NUP98: variants seen among roughly 807,000 people sequenced by gnomAD.
NUP98 encodes the protein nucleoporin 98 and 96 precursor.
A neutral mutation model predicts 191.9 loss-of-function variants in NUP98; 26 were observed. That is an observed-to-expected ratio of 0.14 (90% CI 0.10 to 0.19). NUP98 has a LOEUF of 0.19. Ranked by LOEUF, NUP98 falls within the 10% of genes least tolerant of loss-of-function variation. NUP98 has a pLI of 1.00. For synonymous variants in NUP98, 808 were observed against 778.4 expected (o/e 1.04, Z -0.63); for missense variants, 1,941 against 2,178.8 (o/e 0.89, Z 2.17).
Position 3,744,675 on chromosome 11 carries a change from A to G in NUP98, c.1268-26T>C, listed in dbSNP as rs762920413. The G allele has an allele frequency of 2.5e-6, 4 of 1,586,474 alleles. No homozygotes were observed. The East Asian group carries it at 9.0e-5, about 36-fold the overall frequency. ...CTACGGAGACAAGAGGAAAGAAAAAAGCACCACAGAAGATCCTTTCAATGT... is the reference window on the plus strand; with the variant it reads ...CTACGGAGACAAGAGGAAAGAAAAAGGCACCACAGAAGATCCTTTCAATGT... On this transcript the variant is annotated intron_variant, in intron 11 of 32. Coordinates refer to ENST00000324932, the MANE Select transcript of NUP98 (RefSeq NM_016320.5).
intron 1 of NUP98, among the ~76,000 whole-genome samples, chr11:3,793,114 A>G (rs1256438586): frequency 1.3e-5 from 2 of 152,184 alleles, no homozygotes; most frequent in Non-Finnish European, 2.9e-5. Context: ...CCGTCTCAAA[A>G]AAACAAACAA....
chr11:3,696,281 C>T (rs1027938051), intron 25 of NUP98, among the ~76,000 whole-genome samples: 2 of 152,116 alleles, frequency 1.3e-5, no homozygotes, highest in Non-Finnish European at 2.9e-5. Context: ...GCGGGCAAAT[C>T]ACTTGGGGTC....
chr11:3,733,327 T>C (rs2079916327), intron 13 of NUP98, among the ~76,000 whole-genome samples: 3 of 152,222 alleles, frequency 2.0e-5, no homozygotes, highest in South Asian at 2.1e-4. Flanking sequence ...TCTTTTTGTT[T>C]TGAGACGGAG....
At chr11:3,712,293 C>A (rs918441952) in intron 20 of NUP98, 39 of 1,209,912 alleles carry the variant, frequency 3.2e-5, no homozygotes, top group Non-Finnish European at 3.8e-5. Flanking sequence ...GAGAATTCAG[C>A]AAGTCCAAAT....
chr11:3,766,069 G>C (rs973586114), intron 8 of NUP98, among the ~76,000 whole-genome samples: 2 of 152,054 alleles, frequency 1.3e-5, no homozygotes, highest in Non-Finnish European at 2.9e-5. Context: ...TTGCTTTATA[G>C]TAAGTTTTAA....
At chr11:3,731,361 C>T (rs1043563627) in intron 14 of NUP98, 30 bp downstream of exon 14, 1 of 1,446,138 alleles carries the variant, frequency 6.9e-7, no homozygotes, top group Non-Finnish European at 9.3e-7. Flanking sequence ...GTATTTTACA[C>T]TTAATTTCTG....
intron 20 of NUP98, among the ~76,000 whole-genome samples, chr11:3,709,975 A>G (rs564591849): frequency 3.1e-4 from 39 of 126,828 alleles, no homozygotes; most frequent in Non-Finnish European, 5.9e-4. Context: ...AAGTACAATA[A>G]TAATTTAAAA....
At chr11:3,701,008 T>C (rs1166270840) in intron 23 of NUP98, among the ~76,000 whole-genome samples, 169 bp from the exon 24 acceptor site, 2 of 152,172 alleles carry the variant, frequency 1.3e-5, no homozygotes, top group Non-Finnish European at 2.9e-5. Flanking sequence ...TTATCTGCTA[T>C]ATACTGGGGA....
chr11:3,699,171 AAGG>A lies in NUP98; in HGVS notation c.3917_3919del (p.Ser1306del), dbSNP rs2078602636. On this transcript the variant is annotated inframe_deletion, in exon 25 of 33. Coordinates refer to ENST00000324932, the MANE Select transcript of NUP98 (RefSeq NM_016320.5). ...CTCCACAGGGCTGTTTTTTTGGGTT[AAGG>A]AGACTTCCTCTTCAATCTGAGGTGT... 6.2e-7 allele frequency: 1 copy of A among 1,614,046 alleles called. No individual in the cohort carries two copies. Among genetic ancestry groups the A allele is most frequent in the Non-Finnish European group, 8.5e-7 (1 of 1,180,028 alleles).
intron 2 of NUP98, among the ~76,000 whole-genome samples, chr11:3,780,986 A>G (rs1056662594): frequency 6.6e-6 from 1 of 151,948 alleles, no homozygotes; most frequent in African/African-American, 2.4e-5. Context: ...GGGCTGAGGC[A>G]GGAGAACTGC....
intron 10 of NUP98, among the ~76,000 whole-genome samples, chr11:3,757,660 G>C: frequency 6.6e-6 from 1 of 151,830 alleles, no homozygotes; most frequent in East Asian, 1.9e-4. Flanking sequence ...TTAGCTGGGC[G>C]TGGTGGTGCA....
chr11:3,704,614 T>C (rs1005610767), intron 22 of NUP98, among the ~76,000 whole-genome samples: 2 of 152,212 alleles, frequency 1.3e-5, no homozygotes, highest in African/African-American at 2.4e-5. Context: ...TCCACATTCA[T>C]AAGCAAACAA....
chr11:3,770,900 T>G (rs1461823425), intron 7 of NUP98, among the ~76,000 whole-genome samples: 1 of 152,156 alleles, frequency 6.6e-6, no homozygotes, highest in Admixed American at 6.6e-5. Flanking sequence ...AGTCTTGCTG[T>G]CACCCAGGCT....
At position 3,771,835 on chromosome 11, in the gene NUP98, C is replaced by T; in HGVS notation, c.697G>A (p.Ala233Thr). The T allele has an allele frequency of 1.2e-6, 2 of 1,614,138 alleles. No individual in the cohort carries two copies. The highest frequency in any genetic ancestry group is 1.7e-6 in the Non-Finnish European group (2 of 1,180,036). ...TTTGLFGSSP[A>T]TSSATGLFSS... ...AAGAGTCCTGTTGCGCTGGAAGTGG[C>T]TGGAGAAGACCCAAACAAGCCAGTT... The change falls in exon 7 of 33, where the codon GCC (alanine) becomes ACC (threonine). Residue 233 changes from alanine to threonine, a missense_variant. Coordinates refer to ENST00000324932, the MANE Select transcript of NUP98 (RefSeq NM_016320.5).
At chr11:3,773,027 T>C (rs1028636796) in intron 6 of NUP98, among the ~76,000 whole-genome samples, 4 of 151,996 alleles carry the variant, frequency 2.6e-5, no homozygotes, top group Admixed American at 2.0e-4. Context: ...TATTAAGCTG[T>C]ACTTTGCATA....
chr11:3,759,540 T>C (rs1167714314), intron 10 of NUP98, among the ~76,000 whole-genome samples: 1 of 152,070 alleles, frequency 6.6e-6, no homozygotes, highest in East Asian at 1.9e-4. Context: ...GAGTTTGCAG[T>C]GAGCCAAGAT....
intron 20 of NUP98, among the ~76,000 whole-genome samples, chr11:3,708,242 G>A (rs1275666607): frequency 1.3e-5 from 2 of 152,162 alleles, no homozygotes; most frequent in Non-Finnish European, 2.9e-5. Flanking sequence ...TTGACACATG[G>A]TAGAGAAAGC....
rs74387562 is a variant in NUP98, at chr11:3,790,221, C to G, written c.-29+7179G>C. 5.9e-3 allele frequency among the ~76,000 whole-genome samples: 893 copies of G among 152,280 alleles called. 38 individuals carry two copies. In the East Asian group the frequency reaches 0.12, roughly 21 times the overall value. On this transcript the variant is annotated intron_variant, in intron 1 of 32. Transcript: ENST00000324932. The stretch of plus-strand genomic sequence containing the variant: ...TGTTCCCTTCACGAACAGACCAGCC[C>G]TAATTCAGGTGCTCAATTCTTTTCC...
intron 26 of NUP98, among the ~76,000 whole-genome samples, chr11:3,693,760 A>G (rs972502957): frequency 6.6e-6 from 1 of 152,216 alleles, no homozygotes; most frequent in Admixed American, 6.5e-5. Context: ...AGATCTTCTC[A>G]CTGTCTATGG....
Sources: gnomAD v4.1 joint callset for allele counts (sites outside exome capture counted in the v4.1 genomes callset) on GRCh38, gnomAD v4.1.1 for gene constraint, MANE v1.5 for transcripts, NCBI Gene and HGNC (gene_info 2026-07-23, HGNC 2026-07-21) for gene names.